The following USP5 variants were observed in gnomAD, a reference collection of about 807,000 sequenced individuals.
The protein encoded by USP5 is ubiquitin specific peptidase 5.
Under a neutral mutation model 102.5 loss-of-function variants are expected in USP5, and 24 were observed. The observed-to-expected ratio is 0.23, with a 90% CI of 0.17 to 0.33. The LOEUF is 0.33. Ranked by LOEUF, USP5 falls within the 10% of genes least tolerant of loss-of-function variation. The probability of loss-of-function intolerance (pLI) is 1.00; values close to 1 mark genes in which losing one functional copy is unlikely to be tolerated. For missense variants in USP5, 753 were observed against 1,122.1 expected (o/e 0.67, Z 4.70); for synonymous variants, 460 against 434.8 (o/e 1.06, Z -0.72).
chr12:6,865,469 C>T (rs1387720137), intron 19 of USP5, among the ~76,000 whole-genome samples: 2 of 152,088 alleles, frequency 1.3e-5, no homozygotes, highest in African/African-American at 4.8e-5. Flanking sequence ...CACTATGTTG[C>T]CCAGGCTGGT....
intron 1 of USP5, among the ~76,000 whole-genome samples, chr12:6,852,681 T>A (rs1464609048): frequency 6.6e-6 from 1 of 152,008 alleles, no homozygotes; most frequent in East Asian, 1.9e-4. Context: ...GTAGGAGTGA[T>A]GGGGACGACT....
Position 6,856,602 on chromosome 12 carries a change from AG to A in USP5, c.585-104del. 1 of 1,474,600 alleles carries A rather than the reference AG, an allele frequency of 6.8e-7. No individual in the cohort carries two copies. 91.3% of individuals were successfully genotyped at this position (1,474,600 alleles called of 1,614,324 possible). On this transcript the variant is annotated intron_variant, in intron 5 of 19. Transcript: ENST00000229268. This position sits in a 1 kb window ranked among gnomAD's most constrained non-coding sequence, Gnocchi z 5.6. The stretch of plus-strand genomic sequence containing the variant: ...GACATGGGGATGGCCAGAGGAGAAG[AG>A]AGAGAGACCTTGGATTGGCGGGGGG...
At position 6,862,462 on chromosome 12, in the gene USP5, T is replaced by A. The variant is rs782438125; in HGVS notation, c.1674-8T>A. ...TGTCTGGGTACCAGCACAGTCTCTC[T>A]TCCCTAGGACCACACGATTTGCCTC... On this transcript the variant is annotated splice_region_variant and splice_polypyrimidine_tract_variant and intron_variant, in intron 13 of 19. Transcript: ENST00000229268. 5.6e-6 allele frequency: 9 copies of A among 1,613,512 alleles called. No homozygotes were observed. The highest frequency in any genetic ancestry group is 6.8e-6 in the Non-Finnish European group (8 of 1,179,442).
chr12:6,864,784 A>C lies in USP5; in HGVS notation c.2307A>C (p.Glu769Asp). 6.2e-7 allele frequency: 1 copy of C among 1,613,808 alleles called. No homozygotes were observed. The highest frequency in any genetic ancestry group is 8.5e-7 in the Non-Finnish European group (1 of 1,180,032). ...IFSHIDDLDAEAAMDISEGRS... is the reference protein window; with the variant it reads ...IFSHIDDLDADAAMDISEGRS... ...GTCACATTGACGACCTGGATGCTGA[A>C]GCTGCCATGGACATCTCAGAGGGCC... The change falls in exon 18 of 20, where the codon GAA (glutamate) becomes GAC (aspartate). Residue 769 changes from glutamate to aspartate, a missense_variant. Glu to Asp is a conservative substitution (Grantham distance 45). Coordinates refer to ENST00000229268, the MANE Select transcript of USP5 (RefSeq NM_001098536.2). The surrounding 1 kb of genome is among the most constrained non-coding windows in gnomAD (Gnocchi z 4.8).
Position 6,863,457 on chromosome 12 carries a change from T to G in USP5, c.1954+80T>G, listed in dbSNP as rs933706618. The G allele has an allele frequency of 1.5e-5, 22 of 1,483,474 alleles. No homozygotes were observed. In the African/African-American group the frequency reaches 2.7e-4, roughly 18 times the overall value. The allele number at this position is 1,483,474 out of a possible 1,614,324, so 91.9% of individuals were successfully genotyped here. A position where few individuals can be genotyped will look rare whatever the true frequency, so the allele number is the denominator to read the frequency against. On this transcript the variant is annotated intron_variant, in intron 15 of 19. Coordinates refer to ENST00000229268, the MANE Select transcript of USP5 (RefSeq NM_001098536.2). The surrounding 1 kb of genome is among the most constrained non-coding windows in gnomAD (Gnocchi z 4.7). ...GCCTTGCATCCCCTGCCCCTGTCCTTTGTGTTTCTCCTGTCCTCCCTTTCA... is the reference window on the plus strand; with the variant it reads ...GCCTTGCATCCCCTGCCCCTGTCCTGTGTGTTTCTCCTGTCCTCCCTTTCA...
At position 6,855,629 on chromosome 12, in the gene USP5, C is replaced by G; in HGVS notation, c.237+103C>G. 6.3e-7 allele frequency: 1 copy of G among 1,586,602 alleles called. No homozygotes were observed. The highest frequency in any genetic ancestry group is 8.6e-7 in the Non-Finnish European group (1 of 1,166,094). ...TTCACCTACTTTTGTGTCATTAAAG[C>G]TTGGCACAGATGTTTTTTAGCTTTA... On this transcript the variant is annotated intron_variant, in intron 2 of 19. Transcript: ENST00000229268. The surrounding 1 kb of genome is among the most constrained non-coding windows in gnomAD (Gnocchi z 4.6).
rs367735890 is a variant in USP5 at position 6,863,971 on chromosome 12, C to T, written c.2096C>T (p.Pro699Leu). The change falls in exon 16 of 20, where the codon CCA (proline) becomes CTA (leucine). Residue 699 changes from proline to leucine, a missense_variant and splice_region_variant. Coordinates refer to ENST00000229268, the MANE Select transcript of USP5 (RefSeq NM_001098536.2). This position sits in a 1 kb window ranked among gnomAD's most constrained non-coding sequence, Gnocchi z 4.7. ...MNWVMSHMDD[P>L]DFANPLILPG... The stretch of plus-strand genomic sequence containing the variant: ...TGGGTCATGTCACACATGGATGATC[C>T]AGGTAGGCTGGGGTGGGGAGCAGGG... The T allele has an allele frequency of 6.3e-7, 1 of 1,590,438 alleles. No individual in the cohort carries two copies. Among genetic ancestry groups the T allele is most frequent in the Non-Finnish European group, 8.6e-7 (1 of 1,163,940 alleles).
In USP5 at chr12:6,860,190, C is replaced by G; in HGVS notation, c.1170C>G (p.Ser390=). 6.2e-7 allele frequency: 1 copy of G among 1,607,566 alleles called. No individual in the cohort carries two copies. The highest frequency in any genetic ancestry group is 1.1e-5 in the South Asian group (1 of 90,394). ...LGHGLLSGEY[S]KPVPESGDGE... is the part of the protein sequence containing the mutation. ...ATGGCCTTCTCTCCGGGGAGTATTC[C>G]AAGCCAGTACCGGAGTCGGGCGATG... The change falls in exon 10 of 20, where the codon TCC becomes TCG. Residue 390 remains serine, a synonymous_variant. Coordinates refer to ENST00000229268, the MANE Select transcript of USP5 (RefSeq NM_001098536.2). This position sits in a 1 kb window ranked among gnomAD's most constrained non-coding sequence, Gnocchi z 5.5.
rs1349602827 is a variant in USP5 at position 6,855,789 on chromosome 12, C to A, written c.272C>A (p.Pro91Gln). 1 of 1,614,104 alleles carries A rather than the reference C, an allele frequency of 6.2e-7. No individual in the cohort carries two copies. Among genetic ancestry groups the A allele is most frequent in the African/African-American group, 1.3e-5 (1 of 74,938 alleles). Residue 91 changes from proline to glutamine, a missense_variant, in exon 3 of 20, where the codon CCA becomes CAA. By Grantham distance (76) the Pro-to-Gln change is moderately conservative (BLOSUM62 -1). Coordinates refer to ENST00000229268, the MANE Select transcript of USP5 (RefSeq NM_001098536.2). The surrounding 1 kb of genome is among the most constrained non-coding windows in gnomAD (Gnocchi z 4.6). ...GACCCTGCTACAGGCACTGGAGACC[C>A]ACCCCGGAAGAAGCCCACGCGGCTG... ...EEDPATGTGD[P>Q]PRKKPTRLAI...
chr12:6,864,080 C>G lies in USP5; in HGVS notation c.2129C>G (p.Ser710Cys), dbSNP rs1555130184. ...GCAAACCCCCTCATCCTGCCTGGCT[C>G]TAGTGGGCCGGGCTCCACAAGCGCA... The part of the protein sequence containing the change: ...DFANPLILPG[S>C]SGPGSTSAAA... Residue 710 changes from serine to cysteine, a missense_variant, in exon 17 of 20, where the codon TCT becomes TGT. Ser to Cys is a moderately radical substitution (Grantham distance 112, BLOSUM62 -1). Around this residue, in one of 3 missense-constraint regions of USP5, gnomAD observed 193 missense variants for 230.2 expected, o/e 0.84. Coordinates refer to ENST00000229268, the MANE Select transcript of USP5 (RefSeq NM_001098536.2). This position sits in a 1 kb window ranked among gnomAD's most constrained non-coding sequence, Gnocchi z 4.8. 6.2e-7 allele frequency: 1 copy of G among 1,612,904 alleles called. No homozygotes were observed.
At position 6,861,131 on chromosome 12, in the gene USP5, G is replaced by A. The variant is rs376024668; in HGVS notation, c.1498+25G>A. ...GGTAGGCTGCTCCATCAGCAAGGCC[G>A]TGGCACGGTGGGAGGCTAAGGTCTA... On this transcript the variant is annotated intron_variant, in intron 12 of 19. Coordinates refer to ENST00000229268, the MANE Select transcript of USP5 (RefSeq NM_001098536.2). This position sits in a 1 kb window ranked among gnomAD's most constrained non-coding sequence, Gnocchi z 4.9. The A allele has an allele frequency of 2.0e-5, 32 of 1,612,986 alleles. No homozygotes were observed. The highest frequency in any genetic ancestry group is 2.4e-5 in the Non-Finnish European group (28 of 1,179,412).
At chr12:6,857,032 T>G in intron 6 of USP5, 141 bp downstream of exon 6, 1 of 1,160,638 alleles carries the variant, frequency 8.6e-7, no homozygotes. Flanking sequence ...ATGTTTGCAA[T>G]CCCAACACTT....
chr12:6,865,007 G>A (rs1002068109), intron 18 of USP5, 132 bp downstream of exon 18: 2 of 1,386,780 alleles, frequency 1.4e-6, no homozygotes, highest in South Asian at 1.4e-5. Flanking sequence ...GCATCTGAGG[G>A]TGGGGTTCTC....
intron 9 of USP5, among the ~76,000 whole-genome samples, 175 bp downstream of exon 9, chr12:6,859,716 G>T (rs921628000): frequency 6.6e-6 from 1 of 152,110 alleles, no homozygotes. Flanking sequence ...GCAGTGGCGC[G>T]ATCTCGGCTC....
rs1944253127 is a variant in USP5 at position 6,860,698 on chromosome 12, C to T, written c.1344+207C>T. Among the ~76,000 whole-genome samples the T allele has an allele frequency of 6.6e-6, 1 of 152,142 alleles. No individual in the cohort carries two copies. The highest frequency in any genetic ancestry group is 2.4e-5 in the African/African-American group (1 of 41,420). On this transcript the variant is annotated intron_variant, in intron 11 of 19. Transcript: ENST00000229268. The surrounding 1 kb of genome is among the most constrained non-coding windows in gnomAD (Gnocchi z 5.5). ...GGCTTGAAGCCCAATTCAGATTATG[C>T]CCAAAGACAATGATAAGAGAATACT...
In USP5 at chr12:6,856,421, G is replaced by C; in HGVS notation, c.555G>C (p.Gln185His). Reference protein sequence around the residue: ...QVSKHAFSLKQLDNPARIPPC... With the variant: ...QVSKHAFSLKHLDNPARIPPC... ...CTAAGCATGCCTTCAGCCTCAAGCA[G>C]TTGGACAACCCTGCTCGAATCCCTC... Residue 185 changes from glutamine (Q) to histidine (H), a missense_variant, in exon 5 of 20, where the codon CAG becomes CAC. Transcript: ENST00000229268. The surrounding 1 kb of genome is among the most constrained non-coding windows in gnomAD (Gnocchi z 5.6). 6.2e-7 allele frequency: 1 copy of C among 1,613,554 alleles called. No homozygotes were observed. Among genetic ancestry groups the C allele is most frequent in the Non-Finnish European group, 8.5e-7 (1 of 1,179,722 alleles).
chr12:6,862,660 G>GA (rs1313936637), intron 14 of USP5, 102 bp downstream of exon 14: 43 of 1,092,058 alleles, frequency 3.9e-5, no homozygotes, highest in Admixed American at 7.1e-5. Flanking sequence ...TCTGAAAGAG[G>GA]AAAAAAAATC....
chr12:6,855,711 CGCTCGT>C lies in USP5; in HGVS notation c.238-39_238-34del, dbSNP rs1161851500. The C allele has an allele frequency of 3.7e-6, 6 of 1,612,338 alleles. No homozygotes were observed. Among genetic ancestry groups the C allele is most frequent in the African/African-American group, 1.3e-5 (1 of 74,876 alleles). The stretch of plus-strand genomic sequence containing the variant: ...CGTCCCTCCTCCCGACTTGTTCCTT[CGCTCGT>C]GCTCATTGCTGATCCAGCCCTTCCT... On this transcript the variant is annotated intron_variant, in intron 2 of 19. Transcript: ENST00000229268. The surrounding 1 kb of genome is among the most constrained non-coding windows in gnomAD (Gnocchi z 4.6).
At chr12:6,857,826 A>G in intron 7 of USP5, 103 bp downstream of exon 7, 1 of 1,113,304 alleles carries the variant, frequency 9.0e-7, no homozygotes, top group Non-Finnish European at 1.3e-6. Context: ...TCTTCTAGTT[A>G]ACCCCATCCC....
Sources: gnomAD v4.1 joint callset for allele counts (sites outside exome capture counted in the v4.1 genomes callset) on GRCh38, gnomAD v4.1.1 for gene constraint, gnomAD v4.1.1 regional missense constraint, Gnocchi (gnomAD v3.1) non-coding constraint, MANE v1.5 for transcripts, NCBI Gene and HGNC (gene_info 2026-07-23, HGNC 2026-07-21) for gene names.